Variants in MRTFA observed in about 807,000 individuals in gnomAD.
MRTFA encodes myocardin related transcription factor A.
A neutral mutation model predicts 83.5 loss-of-function variants in MRTFA; 20 were observed. That is an observed-to-expected ratio of 0.24 (90% CI 0.17 to 0.35). MRTFA has a LOEUF of 0.35. Ranked by LOEUF, MRTFA falls within the 10% of genes least tolerant of loss-of-function variation. The probability of loss-of-function intolerance (pLI) is 1.00; values close to 1 mark genes in which losing one functional copy is unlikely to be tolerated. For missense variants in MRTFA, 1,200 were observed against 1,224.7 expected (o/e 0.98, Z 0.30); for synonymous variants, 659 against 541.2 (o/e 1.22, Z -3.02).
At chr22:40,611,843 C>A (rs1349543666) in intron 1 of MRTFA, among the ~76,000 whole-genome samples, 1 of 152,008 alleles carries the variant, frequency 6.6e-6, no homozygotes, top group African/African-American at 2.4e-5. Context: ...TTGGTTCTAG[C>A]AACTAAATTA....
In MRTFA at chr22:40,410,373, C is replaced by CA. The variant is rs1281360584; in HGVS notation, c.*1016_*1017insT. The CA allele has an allele frequency of 4.1e-6, 1 of 245,928 alleles. No homozygotes were observed. The highest frequency in any genetic ancestry group is 7.7e-6 in the Non-Finnish European group (1 of 129,674). 15.2% of individuals were successfully genotyped at this position (245,928 alleles called of 1,614,324 possible). A position where few individuals can be genotyped will look rare whatever the true frequency, so the allele number is the denominator to read the frequency against. The stretch of plus-strand genomic sequence containing the variant: ...TGGTTTTGGTGACTCCACCCCTACT[C>CA]CCCTATGAGTCAGCCCAGAATGTGA... On this transcript the variant is annotated 3_prime_UTR_variant, in exon 15 of 15. Transcript: ENST00000355630.
intron 3 of MRTFA, among the ~76,000 whole-genome samples, chr22:40,540,283 G>C (rs140792018): frequency 4.4e-4 from 67 of 152,136 alleles, no homozygotes; most frequent in African/African-American, 1.5e-3. Flanking sequence ...CCTCCTCTTC[G>C]GCCTTGTTTC....
At chr22:40,540,196 G>A (rs1159131395) in intron 3 of MRTFA, among the ~76,000 whole-genome samples, 1 of 152,092 alleles carries the variant, frequency 6.6e-6, no homozygotes, top group African/African-American at 2.4e-5. Flanking sequence ...ACAGATGTAA[G>A]CCACCACACC....
At chr22:40,626,318 G>A (rs958494314) in intron 1 of MRTFA, among the ~76,000 whole-genome samples, 4 of 147,570 alleles carry the variant, frequency 2.7e-5, no homozygotes, top group African/African-American at 1.0e-4. Context: ...GATGAGGTCT[G>A]GCTCTGTCAC....
chr22:40,424,726 G>A (rs541279073), intron 7 of MRTFA, among the ~76,000 whole-genome samples: 10 of 152,220 alleles, frequency 6.6e-5, no homozygotes, highest in South Asian at 2.1e-4. Flanking sequence ...TGGGAGACCC[G>A]GGCTACCTTT....
chr22:40,604,762 A>AG (rs911233838), intron 1 of MRTFA, among the ~76,000 whole-genome samples: 1 of 151,970 alleles, frequency 6.6e-6, no homozygotes, highest in African/African-American at 2.4e-5. Context: ...AGGAAAAAAA[A>AG]GAGATACCTA....
intron 3 of MRTFA, among the ~76,000 whole-genome samples, chr22:40,531,262 C>CTTTT (rs397868211): frequency 6.5e-5 from 7 of 108,108 alleles, no homozygotes; most frequent in Admixed American, 4.1e-4. Flanking sequence ...TCATACCTGG[C>CTTTT]TTTTTTTTTT....
chr22:40,584,041 C>T (rs532188635), intron 2 of MRTFA, among the ~76,000 whole-genome samples: 2 of 152,240 alleles, frequency 1.3e-5, no homozygotes, highest in Non-Finnish European at 2.9e-5. Context: ...TATTTCATCA[C>T]AATAATCGAG....
At chr22:40,590,225 T>A (rs2056099742) in intron 2 of MRTFA, among the ~76,000 whole-genome samples, 1 of 152,098 alleles carries the variant, frequency 6.6e-6, no homozygotes, top group Non-Finnish European at 1.5e-5. Context: ...ATATCAAAAG[T>A]AAATAATTAG....
At chr22:40,545,257 T>C (rs1344199568) in intron 3 of MRTFA, among the ~76,000 whole-genome samples, 1 of 152,034 alleles carries the variant, frequency 6.6e-6, no homozygotes, top group Non-Finnish European at 1.5e-5. Context: ...AGAGGAGTAA[T>C]ATTTTAAAAT....
At chr22:40,555,498 A>T (rs1884041489) in intron 2 of MRTFA, among the ~76,000 whole-genome samples, 1 of 151,854 alleles carries the variant, frequency 6.6e-6, no homozygotes, top group Admixed American at 6.6e-5. Flanking sequence ...TTCACCTTCT[A>T]TCATGTATAA....
In MRTFA at chr22:40,431,343, C is replaced by T. The variant is rs2053065487; in HGVS notation, c.439+62G>A. ...AGAGGCAGGAAGGAAATGGGTAGTGCAGTAGTGAGTACACACAGTGAGAAC... is the reference window on the plus strand; with the variant it reads ...AGAGGCAGGAAGGAAATGGGTAGTGTAGTAGTGAGTACACACAGTGAGAAC... On this transcript the variant is annotated intron_variant, in intron 6 of 14. Coordinates refer to ENST00000355630, the MANE Select transcript of MRTFA (RefSeq NM_020831.6). The T allele has an allele frequency of 3.9e-5, 57 of 1,448,702 alleles. No homozygotes were observed. In the South Asian group the frequency reaches 6.4e-4, roughly 16 times the overall value. The allele number at this position is 1,448,702 out of a possible 1,614,324, so 89.7% of individuals were successfully genotyped here.
intron 3 of MRTFA, among the ~76,000 whole-genome samples, chr22:40,499,856 A>T (rs2054426142): frequency 6.6e-6 from 1 of 150,650 alleles, no homozygotes; most frequent in Non-Finnish European, 1.5e-5. Flanking sequence ...GTGACACTTC[A>T]GCCCAAAAAC....
At chr22:40,459,782 TAC>T (rs745698441) in intron 4 of MRTFA, among the ~76,000 whole-genome samples, 6,388 of 88,774 alleles carry the variant, frequency 0.072, 319 homozygotes, top group Middle Eastern at 0.097. Context: ...TGATAAAATA[TAC>T]ACACACACAC....
intron 3 of MRTFA, among the ~76,000 whole-genome samples, chr22:40,536,439 C>T (rs1195940313): frequency 2.0e-5 from 3 of 148,498 alleles, no homozygotes; most frequent in Admixed American, 1.4e-4. Context: ...GAGGAGCGGA[C>T]GGGCCCCGCG....
chr22:40,488,007 C>T (rs1471358233), intron 3 of MRTFA, among the ~76,000 whole-genome samples: 3 of 152,128 alleles, frequency 2.0e-5, no homozygotes, highest in Non-Finnish European at 4.4e-5. Flanking sequence ...CACATACAAC[C>T]ATCAAAACCA....
chr22:40,626,778 C>G (rs1244860294), intron 1 of MRTFA, among the ~76,000 whole-genome samples: 1 of 151,832 alleles, frequency 6.6e-6, no homozygotes, highest in African/African-American at 2.4e-5. Flanking sequence ...GGCGGGAGAA[C>G]TGCTTGAGGC....
intron 3 of MRTFA, among the ~76,000 whole-genome samples, chr22:40,536,956 C>G (rs1454279829): frequency 2.1e-5 from 2 of 96,880 alleles, no homozygotes; most frequent in East Asian, 4.1e-4. Context: ...GGCAGCCACC[C>G]CATCTGGGAA....
chr22:40,455,872 C>A (rs1330062752), intron 4 of MRTFA, among the ~76,000 whole-genome samples: 1 of 150,296 alleles, frequency 6.7e-6, no homozygotes, highest in South Asian at 2.1e-4. Context: ...CTCACTCTGT[C>A]GCCCAGACTG....
Sources: gnomAD v4.1 joint callset for allele counts (sites outside exome capture counted in the v4.1 genomes callset) on GRCh38, gnomAD v4.1.1 for gene constraint, MANE v1.5 for transcripts, NCBI Gene and HGNC (gene_info 2026-07-23, HGNC 2026-07-21) for gene names.